CNBD1: variants seen among roughly 807,000 people sequenced by gnomAD.
CNBD1 encodes the protein cyclic nucleotide binding domain containing 1.
Under a neutral mutation model 54.4 loss-of-function variants are expected in CNBD1, and 71 were observed. The observed-to-expected ratio is 1.30, with a 90% CI of 1.08 to 1.59. The LOEUF (loss-of-function observed/expected upper bound fraction) is 1.59, where lower values mean the gene tolerates loss of function less well. Ranked by LOEUF, CNBD1 falls within the 40% of genes most tolerant of loss-of-function variation. CNBD1 has a pLI of 0.00. For synonymous variants in CNBD1, 182 were observed against 170.7 expected, an observed-to-expected ratio of 1.07 and a Z score of -0.51; for missense variants, 659 against 518.0, an observed-to-expected ratio of 1.27 and a Z score of -2.64.
At chr8:87,332,259 A>C (rs751234485) in intron 8 of CNBD1, among the ~76,000 whole-genome samples, 1 of 152,164 alleles carries the variant, frequency 6.6e-6, no homozygotes, top group Non-Finnish European at 1.5e-5. Flanking sequence ...GAGTCAGGAG[A>C]ATCGCTTGAA....
At chr8:87,350,750 A>T (rs1331451763) in intron 8 of CNBD1, among the ~76,000 whole-genome samples, 1 of 152,054 alleles carries the variant, frequency 6.6e-6, no homozygotes, top group African/African-American at 2.4e-5. Flanking sequence ...AAGTTTTCAG[A>T]ATTAAATATT....
In CNBD1 at chr8:86,945,039, TCACA is replaced by T. The variant is rs202141147; in HGVS notation, c.431+5286_431+5289del. 5.7e-3 allele frequency among the ~76,000 whole-genome samples: 872 copies of T among 152,308 alleles called. 17 individuals carry two copies. Among genetic ancestry groups the T allele is most frequent in the African/African-American group, 0.02 (828 of 41,578 alleles). On this transcript the variant is annotated intron_variant, in intron 4 of 10. Transcript: ENST00000518476. ...ATCCTGGGCAAATCATCTGATGCTC[TCACA>T]TGTTGGTATTTGATTGCAGTGCTTA...
chr8:87,096,428 A>T (rs1215858536), intron 4 of CNBD1, among the ~76,000 whole-genome samples: 3 of 151,050 alleles, frequency 2.0e-5, no homozygotes, highest in Non-Finnish European at 4.4e-5. Flanking sequence ...TTTAACCTTA[A>T]TTACCACCCT....
chr8:86,898,764 G>A (rs1037704459), intron 2 of CNBD1, among the ~76,000 whole-genome samples: 37 of 152,086 alleles, frequency 2.4e-4, no homozygotes, highest in Non-Finnish European at 5.9e-5. Flanking sequence ...GTTTGGTGAT[G>A]ACTTCTTAGG....
At chr8:87,303,436 G>A (rs13280034) in intron 8 of CNBD1, among the ~76,000 whole-genome samples, 56,692 of 150,398 alleles carry the variant, frequency 0.38, 10,945 homozygotes, top group Middle Eastern at 0.44. Context: ...CTAGCCATAT[G>A]TAGAAAGCTG....
intron 4 of CNBD1, among the ~76,000 whole-genome samples, chr8:87,052,464 G>A (rs181887851): frequency 2.0e-5 from 3 of 152,302 alleles, no homozygotes; most frequent in Admixed American, 2.0e-4. Context: ...ATTTGGCCCT[G>A]ATCCTTTATA....
rs1021655764 is a variant in CNBD1 at position 87,182,048 on chromosome 8, A to G, written c.432-23945A>G. On this transcript the variant is annotated intron_variant, in intron 4 of 10. Transcript: ENST00000518476. This position sits in a 1 kb window ranked among gnomAD's most constrained non-coding sequence, Gnocchi z 4.1. The stretch of plus-strand genomic sequence containing the variant: ...GTTTTTTGACCTTCACCCTGCTCCT[A>G]ACATCTCACTTGAAGTATGCCCCAG... 6.6e-6 allele frequency among the ~76,000 whole-genome samples: 1 copy of G among 152,072 alleles called. No individual in the cohort carries two copies. Among genetic ancestry groups the G allele is most frequent in the African/African-American group, 2.4e-5 (1 of 41,402 alleles).
At chr8:86,896,916 A>C (rs572907982) in intron 2 of CNBD1, among the ~76,000 whole-genome samples, 1 of 152,234 alleles carries the variant, frequency 6.6e-6, no homozygotes, top group East Asian at 1.9e-4. Context: ...AAATCATCAA[A>C]AAAAATTAAA....
chr8:87,040,817 T>A (rs1203954786), intron 4 of CNBD1, among the ~76,000 whole-genome samples: 1 of 151,210 alleles, frequency 6.6e-6, no homozygotes, highest in Non-Finnish European at 1.5e-5. Context: ...TTAATATTTA[T>A]TATTCAATAA....
At chr8:87,252,931 G>A (rs144618967) in intron 6 of CNBD1, among the ~76,000 whole-genome samples, 2 of 152,200 alleles carry the variant, frequency 1.3e-5, no homozygotes, top group East Asian at 3.9e-4. Context: ...AAAGGAGAGA[G>A]GGCACATACG....
intron 8 of CNBD1, among the ~76,000 whole-genome samples, chr8:87,344,121 G>T (rs922155428): frequency 6.6e-6 from 1 of 151,964 alleles, no homozygotes; most frequent in African/African-American, 2.4e-5. Context: ...AAATGTGTTA[G>T]AAAATTATCT....
intron 5 of CNBD1, among the ~76,000 whole-genome samples, chr8:87,228,704 G>A (rs371879332): frequency 4.6e-5 from 7 of 151,830 alleles, no homozygotes; most frequent in Non-Finnish European, 1.0e-4. Context: ...GTTTGTCTGT[G>A]CCCTGCCCCC....
chr8:87,066,019 G>A (rs1810645714), intron 4 of CNBD1, among the ~76,000 whole-genome samples: 1 of 151,954 alleles, frequency 6.6e-6, no homozygotes, highest in Admixed American at 6.6e-5. Flanking sequence ...AGCAACATTT[G>A]ACAGTTAATA....
intron 4 of CNBD1, among the ~76,000 whole-genome samples, chr8:87,042,543 T>C (rs186887128): frequency 1.9e-4 from 29 of 152,272 alleles, no homozygotes; most frequent in African/African-American, 6.5e-4. Flanking sequence ...AAAAGTTAAA[T>C]GATGGGGAAG....
intron 4 of CNBD1, among the ~76,000 whole-genome samples, chr8:87,037,532 T>A (rs189659200): frequency 2.0e-5 from 3 of 152,148 alleles, no homozygotes; most frequent in South Asian, 2.1e-4. Flanking sequence ...TTTTCCAGTT[T>A]ATCCTTTTTT....
rs35349058 is a variant in CNBD1, at chr8:87,215,604, A to AG, written c.577+9467dup. Among the ~76,000 whole-genome samples the AG allele has an allele frequency of 4.9e-4, 75 of 151,836 alleles. 1 individual carries two copies. The highest frequency in any genetic ancestry group is 1.7e-3 in the African/African-American group (69 of 41,348). ...CTCCTTCTCAAAAAAAAAAAAAAAA[A>AG]GAGTTTCTTTTGGGAATGATAAAAG... On this transcript the variant is annotated intron_variant, in intron 5 of 10. Coordinates refer to ENST00000518476, the MANE Select transcript of CNBD1 (RefSeq NM_173538.3).
chr8:86,915,470 A>T (rs966543522), intron 3 of CNBD1, among the ~76,000 whole-genome samples: 1 of 152,144 alleles, frequency 6.6e-6, no homozygotes, highest in African/African-American at 2.4e-5. Flanking sequence ...AATGCAGTTG[A>T]GTTTTGGGGA....
At chr8:86,956,748 A>G (rs931145870) in intron 4 of CNBD1, among the ~76,000 whole-genome samples, 2 of 152,110 alleles carry the variant, frequency 1.3e-5, no homozygotes, top group Admixed American at 6.6e-5. Context: ...ATGGGTTTTT[A>G]TAAATATACA....
At chr8:87,197,328 A>C (rs942153406) in intron 4 of CNBD1, among the ~76,000 whole-genome samples, 6 of 152,214 alleles carry the variant, frequency 3.9e-5, no homozygotes, top group African/African-American at 1.4e-4. Context: ...TGTGAAAGCC[A>C]AATTTAGAGA....
Sources: allele counts gnomAD v4.1 joint callset (sites outside exome capture counted in the v4.1 genomes callset), GRCh38; gene constraint gnomAD v4.1.1; non-coding constraint Gnocchi (gnomAD v3.1); transcripts MANE v1.5; gene names NCBI Gene and HGNC (gene_info 2026-07-23, HGNC 2026-07-21).